RABGAP1L: variants seen among roughly 807,000 people sequenced by gnomAD.
RABGAP1L encodes rab GTPase-activating protein 1-like.
Under a neutral mutation model 137.7 loss-of-function variants are expected in RABGAP1L, and 63 were observed. The ratio of observed to expected loss-of-function variants is 0.46; its 90% CI spans 0.37 to 0.56. The LOEUF is 0.56. Among genes scored for constraint, RABGAP1L ranks in the 20% least tolerant of loss-of-function variants. The pLI is 0.00. For synonymous variants in RABGAP1L, 431 were observed against 433.7 expected (o/e 0.99, Z 0.08); for missense variants, 1,095 against 1,244.0 (o/e 0.88, Z 1.80).
chr1:174,941,243 TGTTA>T (rs75036939), intron 19 of RABGAP1L, among the ~76,000 whole-genome samples: 17,561 of 152,084 alleles, frequency 0.12, 1,321 homozygotes, highest in South Asian at 0.17. Context: ...CTACACAGCG[TGTTA>T]GTTAGTCTAC....
At chr1:174,661,896 G>A (rs1487369967) in intron 14 of RABGAP1L, among the ~76,000 whole-genome samples, 1 of 152,088 alleles carries the variant, frequency 6.6e-6, no homozygotes, top group South Asian at 2.1e-4. Flanking sequence ...GTGCTGCCAG[G>A]TGTATAAAGG....
intron 18 of RABGAP1L, among the ~76,000 whole-genome samples, chr1:174,801,135 A>G (rs1199799896): frequency 1.3e-5 from 2 of 152,096 alleles, no homozygotes; most frequent in African/African-American, 2.4e-5. Flanking sequence ...ACCCTTCCTC[A>G]TTTCCTACCA....
At position 174,262,233 on chromosome 1, in the gene RABGAP1L, A is replaced by G. The variant is rs552873938; in HGVS notation, c.986+9643A>G. 2.0e-5 allele frequency among the ~76,000 whole-genome samples: 3 copies of G among 152,348 alleles called. No homozygotes were observed. The East Asian group carries it at 5.8e-4, about 29-fold the overall frequency. ...CTTTGAACTGAAACTTGTAATCAGGACAGAATTTTCAGCATCTTTTCATTG... is the reference window on the plus strand; with the variant it reads ...CTTTGAACTGAAACTTGTAATCAGGGCAGAATTTTCAGCATCTTTTCATTG... On this transcript the variant is annotated intron_variant, in intron 7 of 25. Coordinates refer to ENST00000681986, the MANE Select transcript of RABGAP1L (RefSeq NM_001366446.1).
intron 13 of RABGAP1L, among the ~76,000 whole-genome samples, chr1:174,463,166 A>T (rs907174971): frequency 5.3e-5 from 8 of 152,138 alleles, no homozygotes; most frequent in Non-Finnish European, 1.2e-4. Flanking sequence ...TACTGGGTAT[A>T]TACCCAAAGG....
rs528386947 is a variant in RABGAP1L at position 174,978,789 on chromosome 1, T to G, written c.2650-18T>G. On this transcript the variant is annotated intron_variant, in intron 22 of 25. Transcript: ENST00000681986. The stretch of plus-strand genomic sequence containing the variant: ...GATTTTGGCTAAATCCTGATATTTC[T>G]CATTCTATTCTTTCTAGCTAAAAGA... The G allele has an allele frequency of 1.8e-3, 2,668 of 1,518,596 alleles. 4 individuals carry two copies. Among genetic ancestry groups the G allele is most frequent in the Non-Finnish European group, 2.2e-3 (2,469 of 1,137,988 alleles). 94.1% of individuals were successfully genotyped at this position (1,518,596 alleles called of 1,614,324 possible).
At chr1:174,957,910 C>G (rs749298593) in intron 20 of RABGAP1L, 1 of 1,585,386 alleles carries the variant, frequency 6.3e-7, no homozygotes. Flanking sequence ...TTGTAGGTAA[C>G]TCCAGCTGTT....
intron 11 of RABGAP1L, among the ~76,000 whole-genome samples, chr1:174,339,902 C>T (rs184986544): frequency 1.1e-4 from 16 of 152,156 alleles, no homozygotes; most frequent in Admixed American, 8.5e-4. Context: ...CCACCGCACC[C>T]TTGAATGTAA....
intron 11 of RABGAP1L, among the ~76,000 whole-genome samples, chr1:174,357,931 T>C (rs907109180): frequency 9.2e-5 from 14 of 152,232 alleles, no homozygotes; most frequent in African/African-American, 2.7e-4. Context: ...TATAGTAACT[T>C]GCTTATTTCT....
intron 1 of RABGAP1L, among the ~76,000 whole-genome samples, chr1:174,212,184 TC>T (rs1668947806): frequency 6.6e-6 from 1 of 152,124 alleles, no homozygotes; most frequent in South Asian, 2.1e-4. Context: ...CATATTTTTT[TC>T]CTCAGTACAT....
intron 13 of RABGAP1L, among the ~76,000 whole-genome samples, chr1:174,541,531 C>A (rs960341362): frequency 6.6e-6 from 1 of 152,190 alleles, no homozygotes; most frequent in South Asian, 2.1e-4. Flanking sequence ...AATCCCAGCA[C>A]TTTTGGAGGC....
At chr1:174,757,048 G>T (rs1012009194) in intron 18 of RABGAP1L, 2 of 561,446 alleles carry the variant, frequency 3.6e-6, no homozygotes, top group African/African-American at 1.9e-5. Context: ...CACCAATCCC[G>T]GCCAGGCTCC....
At chr1:174,162,777 G>GTTTTTTTTTTTTTTTTTTTTTTTTTTT (rs67811794) in intron 1 of RABGAP1L, among the ~76,000 whole-genome samples, 1 of 51,554 alleles carries the variant, frequency 1.9e-5, no homozygotes, top group African/African-American at 8.1e-5. Flanking sequence ...TTCTCTTTCT[G>GTTTTTTTTTTTTTTTTTTTTTTTTTTT]TTTTTTTTTT....
At chr1:174,697,348 T>C (rs534493750) in intron 15 of RABGAP1L, among the ~76,000 whole-genome samples, 2 of 151,882 alleles carry the variant, frequency 1.3e-5, no homozygotes, top group Non-Finnish European at 2.9e-5. Flanking sequence ...TCTTTTGAGA[T>C]AGAATCTCAA....
chr1:174,175,671 G>A (rs1665787545), intron 1 of RABGAP1L, among the ~76,000 whole-genome samples: 1 of 148,958 alleles, frequency 6.7e-6, no homozygotes, highest in South Asian at 2.1e-4. Context: ...AGTTGCCCAG[G>A]CTGGAGTGCA....
At chr1:174,753,106 TA>T (rs1481166457) in intron 18 of RABGAP1L, among the ~76,000 whole-genome samples, 2 of 152,132 alleles carry the variant, frequency 1.3e-5, no homozygotes, top group Non-Finnish European at 2.9e-5. Flanking sequence ...CATATGACCT[TA>T]GGCAAATTTT....
At chr1:174,550,847 G>A (rs184737809) in intron 13 of RABGAP1L, among the ~76,000 whole-genome samples, 1,655 of 103,294 alleles carry the variant, frequency 0.016, 126 homozygotes, top group Admixed American at 0.14. Context: ...GTGAAACCCC[G>A]TCTCTGCTAA....
At chr1:174,208,301 C>T (rs762594925) in intron 1 of RABGAP1L, among the ~76,000 whole-genome samples, 1 of 151,894 alleles carries the variant, frequency 6.6e-6, no homozygotes, top group Non-Finnish European at 1.5e-5. Context: ...AGGTTTTCCA[C>T]ATTGACAATC....
chr1:174,234,186 G>T (rs1670941970), intron 4 of RABGAP1L, among the ~76,000 whole-genome samples: 1 of 102,298 alleles, frequency 9.8e-6, no homozygotes, highest in Admixed American at 1.1e-4. Flanking sequence ...AGATGAGTAG[G>T]TTGTGAAAAT....
At chr1:174,981,255 A>G (rs566809405) in intron 23 of RABGAP1L, among the ~76,000 whole-genome samples, 2 of 152,304 alleles carry the variant, frequency 1.3e-5, no homozygotes, top group Admixed American at 1.3e-4. Context: ...TACTGGCTCT[A>G]TGCATAATGT....
Sources: gnomAD v4.1 joint callset for allele counts (sites outside exome capture counted in the v4.1 genomes callset) on GRCh38, gnomAD v4.1.1 for gene constraint, MANE v1.5 for transcripts, NCBI Gene and HGNC (gene_info 2026-07-23, HGNC 2026-07-21) for gene names.